Variants in PRELID2 observed in about 807,000 individuals in gnomAD.
PRELID2 encodes the protein PRELI domain-containing protein 2.
In PRELID2, 25 loss-of-function variants were observed where a neutral mutation model predicts 28.4. That is an observed-to-expected ratio of 0.88 (90% CI 0.64 to 1.23). PRELID2 has a LOEUF of 1.23. PRELID2 is among the 50% of genes most tolerant of loss of function. PRELID2 has a pLI of 0.00. For synonymous variants in PRELID2, 76 were observed against 71.6 expected, an observed-to-expected ratio of 1.06 and a Z score of -0.31; for missense variants, 201 against 214.4, an observed-to-expected ratio of 0.94 and a Z score of 0.39.
chr5:145,270,306 G>C, the PRELID2 span, among the ~76,000 whole-genome samples: 11 of 152,018 alleles, frequency 7.2e-5, no homozygotes, highest in African/African-American at 2.4e-4. Flanking sequence ...TTGTATAGCA[G>C]CTCAAAACTA....
At chr5:145,701,457 G>T (rs1755405506) in intron 1 of PRELID2, among the ~76,000 whole-genome samples, 2 of 152,116 alleles carry the variant, frequency 1.3e-5, no homozygotes, top group African/African-American at 4.8e-5. Context: ...AAGGCCTCAG[G>T]ACCCTGAACA....
At chr5:145,712,288 GTATTT>G (rs1755716703) in intron 1 of PRELID2, among the ~76,000 whole-genome samples, 1 of 152,020 alleles carries the variant, frequency 6.6e-6, no homozygotes, top group Non-Finnish European at 1.5e-5. Flanking sequence ...TGATTTTACG[GTATTT>G]TATAATTTTA....
At chr5:145,783,994 A>AG (rs1215773013) in intron 5 of PRELID2, among the ~76,000 whole-genome samples, 1 of 152,106 alleles carries the variant, frequency 6.6e-6, no homozygotes, top group East Asian at 1.9e-4. Context: ...AAAGGCTTGG[A>AG]GGGGGGCTGG....
intron 1 of PRELID2, among the ~76,000 whole-genome samples, chr5:145,611,125 C>G (rs1029590300): frequency 3.3e-5 from 5 of 151,674 alleles, no homozygotes; most frequent in African/African-American, 7.3e-5. Flanking sequence ...GATCCAAAGA[C>G]TGTACAGATA....
the PRELID2 span, among the ~76,000 whole-genome samples, chr5:145,398,825 G>T: frequency 1.5e-4 from 23 of 152,112 alleles, no homozygotes; most frequent in African/African-American, 5.3e-4. Flanking sequence ...CGTGAGAGGA[G>T]TGTGGCTTTT....
intron 1 of PRELID2, among the ~76,000 whole-genome samples, chr5:145,622,025 G>A (rs1156594236): frequency 6.6e-6 from 1 of 152,060 alleles, no homozygotes; most frequent in Admixed American, 6.5e-5. Context: ...GCTACAACAT[G>A]GATAAACCTG....
intron 1 of PRELID2, among the ~76,000 whole-genome samples, chr5:145,574,593 T>C (rs1323777323): frequency 6.6e-6 from 1 of 152,174 alleles, no homozygotes; most frequent in East Asian, 1.9e-4. Flanking sequence ...TTTGGGGTCC[T>C]TACCGACTTT....
At chr5:145,416,592 G>T in the PRELID2 span, among the ~76,000 whole-genome samples, 1 of 152,102 alleles carries the variant, frequency 6.6e-6, no homozygotes, top group Non-Finnish European at 1.5e-5. Context: ...GAAGTTCTTT[G>T]AAACTAATGA....
intron 1 of PRELID2, among the ~76,000 whole-genome samples, chr5:145,731,783 G>A (rs1399719674): frequency 6.6e-6 from 1 of 152,130 alleles, no homozygotes; most frequent in Admixed American, 6.5e-5. Flanking sequence ...CTCTCAGCAG[G>A]GACCAGAATA....
the PRELID2 span, among the ~76,000 whole-genome samples, chr5:145,446,086 A>G: frequency 6.6e-6 from 1 of 152,200 alleles, no homozygotes; most frequent in East Asian, 1.9e-4. Context: ...ACTATAGTTA[A>G]CAATAATATA....
At chr5:145,632,155 C>T (rs918514531) in intron 1 of PRELID2, among the ~76,000 whole-genome samples, 5 of 152,152 alleles carry the variant, frequency 3.3e-5, no homozygotes, top group African/African-American at 9.7e-5. Flanking sequence ...TGCCTCAAAC[C>T]ATTCTGTGAA....
intron 4 of PRELID2, among the ~76,000 whole-genome samples, chr5:145,815,780 T>C (rs1051607041): frequency 2.6e-5 from 4 of 152,372 alleles, no homozygotes; most frequent in Admixed American, 6.5e-5. Context: ...ATTTTGTGGA[T>C]ACATTACATT....
chr5:145,434,059 C>A, the PRELID2 span, among the ~76,000 whole-genome samples: 1 of 152,092 alleles, frequency 6.6e-6, no homozygotes. Context: ...TAGAGAGGGT[C>A]TTGAGGTTTT....
chr5:145,359,473 T>A, the PRELID2 span, among the ~76,000 whole-genome samples: 1 of 152,210 alleles, frequency 6.6e-6, no homozygotes, highest in African/African-American at 2.4e-5. Flanking sequence ...GAATTTCAAC[T>A]AGAAAACAGA....
chr5:145,381,956 G>GTT, the PRELID2 span, among the ~76,000 whole-genome samples: 125 of 145,794 alleles, frequency 8.6e-4, no homozygotes, highest in African/African-American at 9.3e-4. Flanking sequence ...GGATTACTTA[G>GTT]TTTTTTTTTT....
intron 1 of PRELID2, among the ~76,000 whole-genome samples, chr5:145,494,154 A>G (rs1193158062): frequency 6.6e-6 from 1 of 152,222 alleles, no homozygotes; most frequent in Non-Finnish European, 1.5e-5. Context: ...TCTATTAACT[A>G]GCAAAATGTC....
At chr5:145,766,080 C>G (rs1415394957) in intron 5 of PRELID2, among the ~76,000 whole-genome samples, 1 of 152,080 alleles carries the variant, frequency 6.6e-6, no homozygotes, top group African/African-American at 2.4e-5. Flanking sequence ...TCCTTTCCTC[C>G]TTAAAGGACA....
At chr5:145,817,717 T>C (rs1754469644) in intron 4 of PRELID2, among the ~76,000 whole-genome samples, 177 bp downstream of exon 4, 1 of 152,032 alleles carries the variant, frequency 6.6e-6, no homozygotes, top group Admixed American at 6.6e-5. Context: ...AACTCTATCA[T>C]TTCCTGACCT....
chr5:145,315,368 T>C, the PRELID2 span, among the ~76,000 whole-genome samples: 2 of 152,176 alleles, frequency 1.3e-5, no homozygotes, highest in African/African-American at 4.8e-5. Context: ...ACGCCTGGCC[T>C]CTACAATAAT....
Sources: allele counts gnomAD v4.1 joint callset (sites outside exome capture counted in the v4.1 genomes callset), GRCh38; gene constraint gnomAD v4.1.1; transcripts MANE v1.5; gene names NCBI Gene and HGNC (gene_info 2026-07-23, HGNC 2026-07-21).